Variants in PLCG2 observed in about 807,000 individuals in gnomAD.
PLCG2 encodes the protein 1-phosphatidylinositol 4,5-bisphosphate phosphodiesterase gamma-2.
A neutral mutation model predicts 175.6 loss-of-function variants in PLCG2; 69 were observed. The ratio of observed to expected loss-of-function variants is 0.39; its 90% confidence interval spans 0.32 to 0.48. PLCG2 has a LOEUF of 0.48. Ranked by LOEUF, PLCG2 falls within the 20% of genes least tolerant of loss-of-function variation. PLCG2 has a pLI of 0.91. For missense variants in PLCG2, 1,798 were observed against 1,650.9 expected, an observed-to-expected ratio of 1.09 and a Z score of -1.54; for synonymous variants, 827 against 624.0, an observed-to-expected ratio of 1.33 and a Z score of -4.85.
chr16:81,802,235 C>G (rs1358971978), intron 2 of PLCG2, among the ~76,000 whole-genome samples: 1 of 150,978 alleles, frequency 6.6e-6, no homozygotes, highest in African/African-American at 2.4e-5. Flanking sequence ...GCCTCAGCCT[C>G]CACAGTAGTT....
At chr16:81,873,552 A>G (rs1907621196) in intron 7 of PLCG2, among the ~76,000 whole-genome samples, 1 of 149,330 alleles carries the variant, frequency 6.7e-6, no homozygotes, top group Non-Finnish European at 1.5e-5. Context: ...TGCAAATAAC[A>G]GTTTTTTTTT....
intron 2 of PLCG2, among the ~76,000 whole-genome samples, chr16:81,807,445 T>C (rs1448966199): frequency 1.3e-5 from 2 of 152,174 alleles, no homozygotes; most frequent in Non-Finnish European, 2.9e-5. Flanking sequence ...TTCAGCTTCA[T>C]ACAAGGCAGG....
intron 7 of PLCG2, among the ~76,000 whole-genome samples, chr16:81,878,436 C>T (rs145869612): frequency 6.6e-6 from 1 of 152,136 alleles, no homozygotes; most frequent in Non-Finnish European, 1.5e-5. Context: ...GACATATATT[C>T]CCGGGGACAC....
intron 22 of PLCG2, among the ~76,000 whole-genome samples, chr16:81,925,044 G>C (rs1910207090): frequency 6.6e-6 from 1 of 152,222 alleles, no homozygotes; most frequent in African/African-American, 2.4e-5. Flanking sequence ...TGGAGTTGTG[G>C]CTGGAGCCCA....
rs1188522392 is a variant in PLCG2 at position 81,937,859 on chromosome 16, C to T, written c.3154C>T (p.Pro1052Ser). The change falls in exon 28 of 33, where the codon CCA becomes TCA. Residue 1052 changes from proline (P) to serine (S), a missense_variant. Physicochemically the swap from Pro to Ser is moderately conservative, Grantham distance 74. Transcript: ENST00000564138. ...SMRTEKYDPM[P>S]PESQRKILMT... ...GAGGACAGAGAAATATGACCCGATG[C>T]CACCCGAGTCCCAGAGGAAGATCCT... is the stretch of plus-strand genomic sequence containing the variant. 2.5e-6 allele frequency: 4 copies of T among 1,614,066 alleles called. No individual in the cohort carries two copies. The highest frequency in any genetic ancestry group is 2.2e-5 in the South Asian group (2 of 91,084).
chr16:81,832,316 C>T (rs946990517), intron 2 of PLCG2, among the ~76,000 whole-genome samples: 2 of 152,218 alleles, frequency 1.3e-5, no homozygotes, highest in Non-Finnish European at 2.9e-5. Flanking sequence ...GAATAATCCT[C>T]AGATTAAGCA....
intron 22 of PLCG2, among the ~76,000 whole-genome samples, chr16:81,924,443 T>C (rs1030142561): frequency 1.1e-4 from 16 of 152,244 alleles, no homozygotes; most frequent in Non-Finnish European, 8.8e-5. Flanking sequence ...TGAGTCTACA[T>C]GATGACTGTA....
intron 2 of PLCG2, among the ~76,000 whole-genome samples, chr16:81,813,010 C>G (rs1904384566): frequency 6.6e-6 from 1 of 152,104 alleles, no homozygotes; most frequent in Admixed American, 6.6e-5. Flanking sequence ...TTTCTGAGGT[C>G]TGTGTTCTGT....
At chr16:81,770,607 T>C (rs1056569049) in intron 2 of PLCG2, among the ~76,000 whole-genome samples, 1 of 151,952 alleles carries the variant, frequency 6.6e-6, no homozygotes, top group African/African-American at 2.4e-5. Flanking sequence ...CCCAACTACT[T>C]GGGAGGCTGA....
intron 1 of PLCG2, among the ~76,000 whole-genome samples, chr16:81,783,993 A>T (rs1910859383): frequency 6.6e-6 from 1 of 151,978 alleles, no homozygotes; most frequent in Non-Finnish European, 1.5e-5. Flanking sequence ...CTCCAGATTA[A>T]ATTTAGGATT....
At chr16:81,885,784 G>T (rs754824921) in intron 9 of PLCG2, among the ~76,000 whole-genome samples, 7 of 152,178 alleles carry the variant, frequency 4.6e-5, no homozygotes, top group Non-Finnish European at 1.0e-4. Flanking sequence ...CATCCACACT[G>T]AGGGCTCAGG....
chr16:81,822,985 C>T (rs960896908), intron 2 of PLCG2, among the ~76,000 whole-genome samples: 1 of 152,306 alleles, frequency 6.6e-6, no homozygotes, highest in Admixed American at 6.5e-5. Flanking sequence ...GGTTTTAGCC[C>T]AGTGAGACTG....
intron 27 of PLCG2, among the ~76,000 whole-genome samples, chr16:81,936,712 C>G (rs1910729694): frequency 6.6e-6 from 1 of 152,228 alleles, no homozygotes; most frequent in Non-Finnish European, 1.5e-5. Context: ...TGTGTGAGGG[C>G]TTTCTGCTCA....
chr16:81,828,463 C>T (rs539945759), intron 2 of PLCG2, among the ~76,000 whole-genome samples: 2 of 152,144 alleles, frequency 1.3e-5, no homozygotes, highest in Admixed American at 1.3e-4. Context: ...TGGTCTCGAT[C>T]TCCTGACCTC....
chr16:81,770,695 G>T (rs564594943), intron 2 of PLCG2, among the ~76,000 whole-genome samples: 6 of 152,156 alleles, frequency 3.9e-5, no homozygotes, highest in Admixed American at 1.3e-4. Flanking sequence ...CCTCCTGCTT[G>T]GGCTACAGAG....
At chr16:81,803,087 C>G (rs1911809382) in intron 2 of PLCG2, among the ~76,000 whole-genome samples, 4 of 151,218 alleles carry the variant, frequency 2.6e-5, no homozygotes, top group Admixed American at 2.6e-4. Flanking sequence ...GGACATTTCT[C>G]ACAATACATG....
intron 13 of PLCG2, among the ~76,000 whole-genome samples, chr16:81,899,721 C>T (rs1260725950): frequency 6.6e-6 from 1 of 152,158 alleles, no homozygotes; most frequent in Admixed American, 6.5e-5. Context: ...CAGGAGAAGG[C>T]TGTGATGTGC....
At chr16:81,943,066 G>T (rs1911014804) in intron 30 of PLCG2, among the ~76,000 whole-genome samples, 1 of 152,180 alleles carries the variant, frequency 6.6e-6, no homozygotes, top group Non-Finnish European at 1.5e-5. Flanking sequence ...GTGTCAGATA[G>T]TACTGTCCAG....
Position 81,958,088 on chromosome 16 carries a change from G to C in PLCG2, c.*90G>C. On this transcript the variant is annotated 3_prime_UTR_variant, in exon 33 of 33. Transcript: ENST00000564138. ...TGCCCTATTCACACTCTGGGAAGAC[G>C]CTAATCTGTGACATCTTTTCTTCAA... 1.1e-6 allele frequency: 1 copy of C among 889,368 alleles called. No homozygotes were observed. The highest frequency in any genetic ancestry group is 1.9e-6 in the Non-Finnish European group (1 of 530,914). 55.1% of individuals were successfully genotyped at this position (889,368 alleles called of 1,614,324 possible). A position where few individuals can be genotyped will look rare whatever the true frequency, so the allele number is the denominator to read the frequency against.
Sources: gnomAD v4.1 joint callset for allele counts (sites outside exome capture counted in the v4.1 genomes callset) on GRCh38, gnomAD v4.1.1 for gene constraint, MANE v1.5 for transcripts, NCBI Gene and HGNC (gene_info 2026-07-23, HGNC 2026-07-21) for gene names.